The following RALYL variants were observed in gnomAD, a reference collection of about 807,000 sequenced individuals.
The protein encoded by RALYL is RALY RNA binding protein like.
RALYL carries 29 observed loss-of-function variants against 35.1 expected under a neutral mutation model. The observed-to-expected ratio is 0.83, with a 90% confidence interval of 0.61 to 1.13. RALYL has a LOEUF of 1.13. RALYL is among the 50% of genes most tolerant of loss of function. RALYL has a pLI of 0.00. For missense variants in RALYL, 359 were observed against 360.4 expected (o/e 1.00, Z 0.03); for synonymous variants, 120 against 127.6 (o/e 0.94, Z 0.40).
intron 2 of RALYL, among the ~76,000 whole-genome samples, chr8:84,696,838 A>G (rs1839242187): frequency 6.6e-6 from 1 of 152,070 alleles, no homozygotes; most frequent in African/African-American, 2.4e-5. Flanking sequence ...TTATTCAAAT[A>G]GTTGTCTTTG....
intron 2 of RALYL, among the ~76,000 whole-genome samples, chr8:84,622,869 T>C (rs1016931638): frequency 6.6e-6 from 1 of 152,188 alleles, no homozygotes; most frequent in East Asian, 1.9e-4. Context: ...GTCGTTGTTA[T>C]CTACGTGGAA....
At chr8:84,317,575 C>G (rs1359632681) in intron 1 of RALYL, among the ~76,000 whole-genome samples, 1 of 152,206 alleles carries the variant, frequency 6.6e-6, no homozygotes, top group African/African-American at 2.4e-5. Context: ...ACCACTGTTT[C>G]TAAAGCAATA....
chr8:84,719,658 AC>A (rs1208343521), intron 2 of RALYL, among the ~76,000 whole-genome samples: 1 of 152,106 alleles, frequency 6.6e-6, no homozygotes, highest in East Asian at 1.9e-4. Flanking sequence ...TATTTATTAT[AC>A]TTTTTAAAAA....
At chr8:84,270,307 G>A (rs975787692) in intron 1 of RALYL, among the ~76,000 whole-genome samples, 4 of 152,172 alleles carry the variant, frequency 2.6e-5, no homozygotes, top group African/African-American at 9.7e-5. Flanking sequence ...ATGGTGGAAC[G>A]CATTATAAGA....
intron 1 of RALYL, among the ~76,000 whole-genome samples, chr8:84,308,941 G>C (rs1842287997): frequency 6.6e-6 from 1 of 151,574 alleles, no homozygotes; most frequent in South Asian, 2.1e-4. Flanking sequence ...AATATCAAGG[G>C]TCATGATAAT....
chr8:84,479,003 G>A (rs895086784), intron 1 of RALYL, among the ~76,000 whole-genome samples: 8 of 135,850 alleles, frequency 5.9e-5, no homozygotes, highest in Non-Finnish European at 1.6e-5. Flanking sequence ...GGAGAATGGC[G>A]TGAACCTGGG....
In RALYL at chr8:84,735,809, CGCGAGA is replaced by C. The variant is rs1356847365; in HGVS notation, c.257-38768_257-38763del. Among the ~76,000 whole-genome samples the C allele has an allele frequency of 2.8e-3, 331 of 119,028 alleles. 1 individual carries two copies. Among genetic ancestry groups the C allele is most frequent in the African/African-American group, 6.8e-3 (215 of 31,614 alleles). The allele number at this position is 119,028 out of a possible 152,430, so 78.1% of individuals were successfully genotyped here. ...CCCCATTCCTTAAGATCATCCAAAC[CGCGAGA>C]GAGAGAGAGAGAGAGAGAGAGAGAG... On this transcript the variant is annotated intron_variant, in intron 2 of 8. Coordinates refer to ENST00000521268, the MANE Select transcript of RALYL (RefSeq NM_173848.7).
intron 8 of RALYL, among the ~76,000 whole-genome samples, chr8:84,913,040 G>GTAGGTAGGTAGA (rs372305617): frequency 0.12 from 15,788 of 129,710 alleles, 1,164 homozygotes; most frequent in Middle Eastern, 0.18. Flanking sequence ...GGATAGGTAG[G>GTAGGTAGGTAGA]TAGATAGATA....
intron 1 of RALYL, among the ~76,000 whole-genome samples, chr8:84,471,046 A>G (rs535620793): frequency 2.6e-5 from 4 of 152,302 alleles, no homozygotes; most frequent in South Asian, 2.1e-4. Flanking sequence ...AACATTGAGC[A>G]CTGCCTCTTG....
At chr8:84,453,835 G>C (rs947867981) in intron 1 of RALYL, among the ~76,000 whole-genome samples, 1 of 152,010 alleles carries the variant, frequency 6.6e-6, no homozygotes, top group Non-Finnish European at 1.5e-5. Flanking sequence ...GTAGGTAGAA[G>C]CAGAGAAAGA....
At chr8:84,308,284 T>A (rs1006659891) in intron 1 of RALYL, among the ~76,000 whole-genome samples, 2 of 152,158 alleles carry the variant, frequency 1.3e-5, no homozygotes, top group African/African-American at 4.8e-5. Flanking sequence ...ATCGTATGCC[T>A]CTGTGAAGCA....
chr8:84,430,880 G>A (rs185359527), intron 1 of RALYL, among the ~76,000 whole-genome samples: 66 of 152,142 alleles, frequency 4.3e-4, no homozygotes, highest in Middle Eastern at 3.4e-3. Context: ...TATTTAGATG[G>A]AACAGTGCCT....
intron 2 of RALYL, among the ~76,000 whole-genome samples, chr8:84,715,614 A>G (rs1335974764): frequency 6.6e-6 from 1 of 152,076 alleles, no homozygotes; most frequent in Non-Finnish European, 1.5e-5. Flanking sequence ...CTCATATGCT[A>G]TCTTTTCTGC....
chr8:84,391,107 G>A (rs1004327716), intron 1 of RALYL, among the ~76,000 whole-genome samples: 6 of 151,970 alleles, frequency 3.9e-5, no homozygotes, highest in African/African-American at 9.7e-5. Context: ...ACATATGGGA[G>A]CACTTGTGAA....
chr8:84,734,306 T>A (rs1236896733), intron 2 of RALYL, among the ~76,000 whole-genome samples: 1 of 152,186 alleles, frequency 6.6e-6, no homozygotes, highest in Non-Finnish European at 1.5e-5. Flanking sequence ...CTCATCTTTT[T>A]AAAAATTATA....
intron 4 of RALYL, among the ~76,000 whole-genome samples, chr8:84,819,847 A>G (rs1200532758): frequency 6.6e-6 from 1 of 152,192 alleles, no homozygotes; most frequent in African/African-American, 2.4e-5. Context: ...ATGATATTTC[A>G]AAAGAGTGTT....
At chr8:84,712,118 G>C (rs866049441) in intron 2 of RALYL, among the ~76,000 whole-genome samples, 1 of 152,036 alleles carries the variant, frequency 6.6e-6, no homozygotes, top group Admixed American at 6.6e-5. Context: ...AGGGAATTCT[G>C]GTATGATATA....
At chr8:84,204,722 G>A (rs139997134) in intron 1 of RALYL, among the ~76,000 whole-genome samples, 1 of 152,184 alleles carries the variant, frequency 6.6e-6, no homozygotes, top group Non-Finnish European at 1.5e-5. Context: ...TTCAACTGCT[G>A]TCTCCAATTT....
intron 2 of RALYL, among the ~76,000 whole-genome samples, chr8:84,638,645 C>A (rs967820645): frequency 2.0e-5 from 3 of 151,108 alleles, no homozygotes; most frequent in Admixed American, 2.0e-4. Context: ...TTTGCTGGAG[C>A]ATTATGGTGT....
Sources: allele counts gnomAD v4.1 joint callset (sites outside exome capture counted in the v4.1 genomes callset), GRCh38; gene constraint gnomAD v4.1.1; transcripts MANE v1.5; gene names NCBI Gene and HGNC (gene_info 2026-07-23, HGNC 2026-07-21).